Variants in SNX24 observed in about 807,000 individuals in gnomAD.
SNX24 encodes sorting nexin-24.
SNX24 carries 22 observed loss-of-function variants against 28.7 expected under a neutral mutation model. That is an observed-to-expected ratio of 0.77 (90% confidence interval 0.55 to 1.10). The LOEUF (loss-of-function observed/expected upper bound fraction) is 1.10. Among genes scored for constraint, SNX24 ranks in the 50% least tolerant of loss-of-function variants. The pLI is 0.00. For synonymous variants in SNX24, 69 were observed against 71.5 expected, an observed-to-expected ratio of 0.96 and a Z score of 0.18; for missense variants, 221 against 201.1, an observed-to-expected ratio of 1.10 and a Z score of -0.60.
intron 2 of SNX24, among the ~76,000 whole-genome samples, chr5:122,943,379 C>T (rs909088013): frequency 5.9e-5 from 9 of 152,194 alleles, no homozygotes; most frequent in Non-Finnish European, 1.3e-4. Context: ...CACTGCCCTT[C>T]TCTCTGTACC....
rs896557091 is a variant in SNX24, at chr5:123,001,987, T to C, written c.425T>C (p.Val142Ala). Residue 142 changes from valine (V) to alanine (A), a missense_variant, in exon 6 of 7, where the codon GTC becomes GCC. Val to Ala is a moderately conservative substitution (Grantham distance 64). Transcript: ENST00000261369. ...CTGCTGTTCCTCAGGGATCCATATG[T>C]CTTGCCTGCAGCCAGCGGTAATCAA... is the stretch of plus-strand genomic sequence containing the variant. ...PVLLFLRDPY[V>A]LPAASDFPNV... is the part of the protein sequence containing the mutation. The C allele has an allele frequency of 6.2e-6, 10 of 1,614,010 alleles. No individual in the cohort carries two copies. Among genetic ancestry groups the C allele is most frequent in the African/African-American group, 1.3e-5 (1 of 74,940 alleles).
intron 1 of SNX24, among the ~76,000 whole-genome samples, chr5:122,878,891 G>A (rs1011068432): frequency 1.1e-4 from 16 of 151,010 alleles, no homozygotes; most frequent in South Asian, 2.1e-4. Flanking sequence ...AAGGAAGATC[G>A]TTTGAGCCCA....
At chr5:122,950,679 C>T (rs1426269965) in intron 3 of SNX24, among the ~76,000 whole-genome samples, 1 of 152,142 alleles carries the variant, frequency 6.6e-6, no homozygotes, top group Non-Finnish European at 1.5e-5. Context: ...TGTGCATGCC[C>T]ACTTCTGAAC....
chr5:122,967,652 C>G (rs1259860196), intron 3 of SNX24, among the ~76,000 whole-genome samples: 2 of 152,166 alleles, frequency 1.3e-5, no homozygotes, highest in Non-Finnish European at 2.9e-5. Context: ...GTCAGACTGC[C>G]TGGGGTCACA....
intron 1 of SNX24, among the ~76,000 whole-genome samples, chr5:122,874,562 T>G (rs1436475194): frequency 1.3e-5 from 2 of 152,196 alleles, no homozygotes; most frequent in African/African-American, 2.4e-5. Context: ...ATCCCTTGAG[T>G]GCTGATCGAT....
intron 3 of SNX24, among the ~76,000 whole-genome samples, chr5:122,959,039 A>G (rs1760348142): frequency 6.6e-6 from 1 of 152,124 alleles, no homozygotes; most frequent in Non-Finnish European, 1.5e-5. Context: ...TCCTCCTGTT[A>G]AATTTTTTGG....
downstream of SNX24, among the ~76,000 whole-genome samples, chr5:123,012,365 C>A (rs914230091): frequency 6.6e-6 from 1 of 152,176 alleles, no homozygotes; most frequent in Admixed American, 6.5e-5. Flanking sequence ...TGCTGCAACA[C>A]AGATGAACCT....
intron 1 of SNX24, among the ~76,000 whole-genome samples, chr5:122,884,531 AT>A (rs1313669287): frequency 6.6e-6 from 1 of 152,064 alleles, no homozygotes; most frequent in Non-Finnish European, 1.5e-5. Context: ...GATTACAGGT[AT>A]GAGCCAGCAC....
At chr5:123,009,487 G>A (rs767777900), downstream of SNX24, among the ~76,000 whole-genome samples, 45 of 152,170 alleles carry the variant, frequency 3.0e-4, no homozygotes, top group Non-Finnish European at 4.9e-4. Flanking sequence ...TGAGAATTAA[G>A]TTTTTTCTTA....
chr5:122,945,994 T>A (rs1313730585), intron 2 of SNX24, 61 bp from the exon 3 acceptor site: 2 of 858,824 alleles, frequency 2.3e-6, no homozygotes, highest in African/African-American at 3.5e-5. Flanking sequence ...ATAATATCAC[T>A]ATAATTAACA....
intron 3 of SNX24, among the ~76,000 whole-genome samples, chr5:122,948,002 A>G (rs567003561): frequency 3.3e-5 from 5 of 152,336 alleles, no homozygotes; most frequent in South Asian, 2.1e-4. Flanking sequence ...AGAATTTTCT[A>G]TTCTCAGAAA....
At chr5:122,994,030 A>G (rs1426901499) in intron 3 of SNX24, among the ~76,000 whole-genome samples, 1 of 152,078 alleles carries the variant, frequency 6.6e-6, no homozygotes. Context: ...CTGATAGACA[A>G]TGGAAAGAAG....
chr5:122,916,260 C>G (rs1247718790), intron 1 of SNX24, among the ~76,000 whole-genome samples: 1 of 152,156 alleles, frequency 6.6e-6, no homozygotes, highest in Admixed American at 6.6e-5. Context: ...CTTCTTCATT[C>G]TGATTGCATG....
chr5:123,029,022 C>G, intron 5 of SNX24: 3 of 822,076 alleles, frequency 3.6e-6, no homozygotes, highest in Non-Finnish European at 5.6e-6. Context: ...AGAAATTTAT[C>G]ATTAGCTGAC....
At chr5:122,922,173 A>G (rs1268297708) in intron 1 of SNX24, among the ~76,000 whole-genome samples, 2 of 152,202 alleles carry the variant, frequency 1.3e-5, no homozygotes, top group Non-Finnish European at 2.9e-5. Context: ...ATATAGTTGT[A>G]AATTTTTCAT....
At chr5:122,908,948 C>T (rs898542382) in intron 1 of SNX24, among the ~76,000 whole-genome samples, 2 of 152,084 alleles carry the variant, frequency 1.3e-5, no homozygotes, top group Non-Finnish European at 2.9e-5. Context: ...AGCACTTGAG[C>T]GGGGAGTGAA....
chr5:122,922,437 T>C (rs546749042), intron 1 of SNX24, among the ~76,000 whole-genome samples: 2 of 151,924 alleles, frequency 1.3e-5, no homozygotes. Flanking sequence ...ATTTTTAGTA[T>C]AGACGGGGTT....
intron 3 of SNX24, among the ~76,000 whole-genome samples, chr5:122,967,335 A>C (rs1029909294): frequency 6.6e-6 from 1 of 152,170 alleles, no homozygotes; most frequent in Non-Finnish European, 1.5e-5. Context: ...TATCTGTAAA[A>C]TACATCAGTT....
At chr5:122,877,622 C>T (rs1342445969) in intron 1 of SNX24, among the ~76,000 whole-genome samples, 1 of 152,216 alleles carries the variant, frequency 6.6e-6, no homozygotes, top group East Asian at 1.9e-4. Context: ...CCAACCCACC[C>T]ACTCCCCAGC....
Sources: allele counts gnomAD v4.1 joint callset (sites outside exome capture counted in the v4.1 genomes callset), GRCh38; gene constraint gnomAD v4.1.1; transcripts MANE v1.5; gene names NCBI Gene and HGNC (gene_info 2026-07-23, HGNC 2026-07-21).